Variants in AGBL4 observed in about 807,000 individuals in gnomAD.
The protein encoded by AGBL4 is cytosolic carboxypeptidase 6.
Under a neutral mutation model 66.4 loss-of-function variants are expected in AGBL4, and 58 were observed. That is an observed-to-expected ratio of 0.87 (90% CI 0.71 to 1.09). The LOEUF is 1.09. Among genes scored for constraint, AGBL4 ranks in the 50% least tolerant of loss-of-function variants. The probability of loss-of-function intolerance (pLI) is 0.00; values close to 1 mark genes in which losing one functional copy is unlikely to be tolerated. For synonymous variants in AGBL4, 234 were observed against 222.9 expected (o/e 1.05, Z -0.44); for missense variants, 579 against 631.0 (o/e 0.92, Z 0.88).
chr1:49,997,282 C>T (rs1024390459), intron 1 of AGBL4, among the ~76,000 whole-genome samples: 2 of 152,090 alleles, frequency 1.3e-5, no homozygotes, highest in Non-Finnish European at 2.9e-5. Flanking sequence ...TAAGAATTCA[C>T]CAACCAAGTA....
At chr1:49,627,025 A>G (rs1314643577) in intron 3 of AGBL4, among the ~76,000 whole-genome samples, 3 of 152,196 alleles carry the variant, frequency 2.0e-5, no homozygotes, top group Non-Finnish European at 4.4e-5. Flanking sequence ...ATTCAATAGC[A>G]TCTGCTGTTG....
chr1:48,858,741 G>A (rs906474251), intron 6 of AGBL4, among the ~76,000 whole-genome samples: 5 of 152,068 alleles, frequency 3.3e-5, no homozygotes, highest in Admixed American at 6.6e-5. Context: ...GCAGTGTTCT[G>A]GAACTAGGTA....
chr1:48,584,411 T>C (rs1338448560), intron 11 of AGBL4: 2 of 152,226 alleles, frequency 1.3e-5, no homozygotes, highest in African/African-American at 2.4e-5. Context: ...CCAGTTTGAC[T>C]AGTTCATATT....
intron 9 of AGBL4, among the ~76,000 whole-genome samples, chr1:48,633,277 C>T (rs761947670): frequency 7.9e-5 from 12 of 152,148 alleles, no homozygotes; most frequent in East Asian, 1.9e-4. Context: ...TGTTTTTAAG[C>T]GCACTTTTCT....
At chr1:49,575,218 G>A (rs1271126882) in intron 3 of AGBL4, among the ~76,000 whole-genome samples, 2 of 152,178 alleles carry the variant, frequency 1.3e-5, no homozygotes, top group African/African-American at 2.4e-5. Flanking sequence ...TCATCCTCCA[G>A]TTAAAGTAGG....
chr1:49,561,850 A>C (rs908788115), intron 3 of AGBL4, among the ~76,000 whole-genome samples: 3 of 152,030 alleles, frequency 2.0e-5, no homozygotes, highest in African/African-American at 7.2e-5. Context: ...GTCAAATGGT[A>C]TTTCTAGTTC....
chr1:48,556,660 C>T (rs1644326009), intron 11 of AGBL4, among the ~76,000 whole-genome samples: 1 of 152,258 alleles, frequency 6.6e-6, no homozygotes, highest in Non-Finnish European at 1.5e-5. Flanking sequence ...CCATCCCTGA[C>T]CTCAGGGCTG....
intron 6 of AGBL4, among the ~76,000 whole-genome samples, chr1:48,693,318 C>T (rs1417668726): frequency 1.3e-5 from 2 of 152,204 alleles, no homozygotes; most frequent in African/African-American, 2.4e-5. Flanking sequence ...ATCAACATGA[C>T]AGAGAGGAAG....
At chr1:48,529,134 C>A (rs1002130352), downstream of AGBL4, among the ~76,000 whole-genome samples, 2 of 152,026 alleles carry the variant, frequency 1.3e-5, no homozygotes, top group Non-Finnish European at 2.9e-5. Context: ...GCTAAGACTA[C>A]AGAGATGAAT....
chr1:48,849,453 A>G (rs1407854018), intron 6 of AGBL4, among the ~76,000 whole-genome samples: 1 of 152,200 alleles, frequency 6.6e-6, no homozygotes, highest in Non-Finnish European at 1.5e-5. Flanking sequence ...AAGTTTCTAA[A>G]TGCTTTCTCT....
rs536399249 is a variant in AGBL4 at position 48,842,632 on chromosome 1, C to A, written c.634+24559G>T. On this transcript the variant is annotated intron_variant, in intron 6 of 13. Transcript: ENST00000371839. ...ATGGTGGTTCCTCAGAAAATTAAAACGAACTGCTGTATGATCCGGCAATCC... is the reference window on the plus strand; with the variant it reads ...ATGGTGGTTCCTCAGAAAATTAAAAAGAACTGCTGTATGATCCGGCAATCC... Among the ~76,000 whole-genome samples, 3 of 152,250 alleles carry A rather than the reference C, an allele frequency of 2.0e-5. No homozygotes were observed. The East Asian group carries it at 5.8e-4, about 29-fold the overall frequency.
chr1:48,931,040 T>C (rs142589477), intron 5 of AGBL4, among the ~76,000 whole-genome samples: 18 of 152,338 alleles, frequency 1.2e-4, no homozygotes, highest in African/African-American at 4.1e-4. Flanking sequence ...AATTGTTCCC[T>C]GTATTTTTTA....
chr1:49,610,786 T>C (rs1157366450), intron 3 of AGBL4, among the ~76,000 whole-genome samples: 2 of 152,198 alleles, frequency 1.3e-5, no homozygotes, highest in Non-Finnish European at 2.9e-5. Flanking sequence ...TCTTAATAAA[T>C]GACCCAGTCT....
intron 6 of AGBL4, among the ~76,000 whole-genome samples, chr1:48,782,382 C>T (rs1201948881): frequency 1.3e-5 from 2 of 152,182 alleles, no homozygotes; most frequent in Non-Finnish European, 2.9e-5. Context: ...GAAGCATGTT[C>T]AGTGGCAGCA....
At chr1:49,014,063 T>TA (rs375726378) in intron 5 of AGBL4, among the ~76,000 whole-genome samples, 43 of 152,302 alleles carry the variant, frequency 2.8e-4, no homozygotes, top group African/African-American at 7.9e-4. Context: ...TCTAATGCAA[T>TA]AAAAAAACCC....
chr1:49,491,876 G>A (rs1393057200), intron 3 of AGBL4, among the ~76,000 whole-genome samples: 2 of 151,846 alleles, frequency 1.3e-5, no homozygotes, highest in East Asian at 1.9e-4. Flanking sequence ...ACCACAGACA[G>A]TAGAAAACCC....
At chr1:49,407,123 G>T (rs1193536770) in intron 3 of AGBL4, among the ~76,000 whole-genome samples, 3 of 140,250 alleles carry the variant, frequency 2.1e-5, no homozygotes, top group Non-Finnish European at 3.1e-5. Context: ...TTTACCTATT[G>T]TAACAGTTAA....
At chr1:49,634,142 G>A (rs1214380983) in intron 3 of AGBL4, among the ~76,000 whole-genome samples, 2 of 151,678 alleles carry the variant, frequency 1.3e-5, no homozygotes, top group African/African-American at 2.4e-5. Flanking sequence ...GTATACAGGC[G>A]CCATGGTGGT....
intron 5 of AGBL4, among the ~76,000 whole-genome samples, chr1:48,913,445 A>G (rs1397591643): frequency 6.6e-6 from 1 of 152,124 alleles, no homozygotes; most frequent in Non-Finnish European, 1.5e-5. Context: ...ATCTGTATTT[A>G]CAGCCCCTCC....
Sources: gnomAD v4.1 joint callset for allele counts (sites outside exome capture counted in the v4.1 genomes callset) on GRCh38, gnomAD v4.1.1 for gene constraint, MANE v1.5 for transcripts, NCBI Gene and HGNC (gene_info 2026-07-23, HGNC 2026-07-21) for gene names.